LARGE1: variants seen among roughly 807,000 people sequenced by gnomAD.
LARGE1 encodes the protein xylosyl- and glucuronyltransferase LARGE1.
LARGE1 carries 43 observed loss-of-function variants against 87.6 expected under a neutral mutation model. That is an observed-to-expected ratio of 0.49 (90% CI 0.38 to 0.63). LARGE1 has a LOEUF of 0.63. LARGE1 is among the 30% of genes least tolerant of loss of function. LARGE1 has a pLI of 0.00. For synonymous variants in LARGE1, 434 were observed against 394.6 expected, an observed-to-expected ratio of 1.10 and a Z score of -1.18; for missense variants, 802 against 1,000.2, an observed-to-expected ratio of 0.80 and a Z score of 2.67.
chr22:33,104,973 CTTTCTTTT>C, the LARGE1 span, among the ~76,000 whole-genome samples: 82 of 143,326 alleles, frequency 5.7e-4, 1 homozygote, highest in African/African-American at 2.0e-3. Context: ...CTCTTTCTTT[CTTTCTTTT>C]TCTTTTCTTT....
At chr22:33,108,514 T>C in the LARGE1 span, 1 of 151,946 alleles carries the variant, frequency 6.6e-6, no homozygotes, top group Admixed American at 6.6e-5. Context: ...CACAGAGACC[T>C]GGGTGAGCAG....
At chr22:33,230,471 G>T (rs1050053018) in intron 11 of LARGE1, among the ~76,000 whole-genome samples, 2 of 152,062 alleles carry the variant, frequency 1.3e-5, no homozygotes, top group Non-Finnish European at 1.5e-5. Context: ...GAAGGACCCT[G>T]AAAATCAGAG....
chr22:33,608,730 C>T (rs2079337231), intron 4 of LARGE1, among the ~76,000 whole-genome samples: 3 of 152,180 alleles, frequency 2.0e-5, no homozygotes, highest in Admixed American at 2.0e-4. Flanking sequence ...CACTTTGTAT[C>T]AAGAGTTCGG....
chr22:33,782,997 C>T (rs542053182), intron 1 of LARGE1, among the ~76,000 whole-genome samples: 1 of 151,934 alleles, frequency 6.6e-6, no homozygotes, highest in South Asian at 2.1e-4. Flanking sequence ...CACTACAGTG[C>T]TTCGGCCTGA....
intron 6 of LARGE1, among the ~76,000 whole-genome samples, chr22:33,523,789 G>C (rs1375035828): frequency 6.6e-6 from 1 of 152,178 alleles, no homozygotes; most frequent in East Asian, 1.9e-4. Flanking sequence ...AAAACGTACA[G>C]AGAGGTTCTG....
chr22:33,657,447 A>T (rs146452147), intron 2 of LARGE1, among the ~76,000 whole-genome samples: 14 of 152,316 alleles, frequency 9.2e-5, no homozygotes, highest in African/African-American at 3.4e-4. Context: ...GTAAACATCC[A>T]GAGAGTCAAT....
the LARGE1 span, among the ~76,000 whole-genome samples, chr22:33,090,878 T>A: frequency 2.6e-5 from 4 of 152,220 alleles, no homozygotes; most frequent in Non-Finnish European, 5.9e-5. Context: ...TCAATTTGCC[T>A]GTTCTTGGAC....
intron 2 of LARGE1, among the ~76,000 whole-genome samples, chr22:33,662,769 G>C (rs138455096): frequency 1.4e-3 from 212 of 152,118 alleles, no homozygotes; most frequent in African/African-American, 4.7e-3. Flanking sequence ...TTTTGTGAAT[G>C]TCATTGATTC....
At chr22:33,879,071 C>G (rs1453237874) in intron 1 of LARGE1, among the ~76,000 whole-genome samples, 1 of 151,824 alleles carries the variant, frequency 6.6e-6, no homozygotes, top group African/African-American at 2.4e-5. Flanking sequence ...CTCCTGGGTT[C>G]AAGCGATTCT....
intron 11 of LARGE1, among the ~76,000 whole-genome samples, chr22:33,310,017 C>T (rs1935385932): frequency 6.6e-6 from 1 of 152,178 alleles, no homozygotes; most frequent in African/African-American, 2.4e-5. Flanking sequence ...CTTTCACTCT[C>T]CAGAACGGTC....
Position 33,384,208 on chromosome 22 carries a change from G to A in LARGE1, c.989C>T (p.Thr330Ile). 1 of 1,613,712 alleles carries A rather than the reference G, an allele frequency of 6.2e-7. No individual in the cohort carries two copies. Among genetic ancestry groups the A allele is most frequent in the Non-Finnish European group, 8.5e-7 (1 of 1,179,586 alleles). ...AERELMGMLS[T>I]SLADQDIFNA... ...GCCACTCACCTGGTCAGCTAAGGAT[G>A]TAGAGAGCATGCCCATGAGCTCCCT... Residue 330 changes from threonine (T) to isoleucine (I), a missense_variant, in exon 8 of 15, where the codon ACA becomes ATA. Coordinates refer to ENST00000397394, the MANE Select transcript of LARGE1 (RefSeq NM_133642.5).
intron 11 of LARGE1, among the ~76,000 whole-genome samples, chr22:33,183,306 T>C (rs1183899924): frequency 6.6e-6 from 1 of 152,066 alleles, no homozygotes; most frequent in Non-Finnish European, 1.5e-5. Context: ...AAGATGGCTA[T>C]TATCAACAAG....
At chr22:33,408,695 CTTTT>C (rs572399860) in intron 7 of LARGE1, among the ~76,000 whole-genome samples, 2 of 136,022 alleles carry the variant, frequency 1.5e-5, no homozygotes, top group African/African-American at 2.7e-5. Context: ...ATAGACTTGT[CTTTT>C]TTTTTTTTTT....
rs66724544 is a variant in LARGE1 at position 33,392,151 on chromosome 22, C to CT, written c.893-7848dup. ...TGAATTCTGGGAACACACGCTTCTT[C>CT]TTTTTTTTTTTTTTTGTAGCTATCC... On this transcript the variant is annotated intron_variant, in intron 7 of 14. Coordinates refer to ENST00000397394, the MANE Select transcript of LARGE1 (RefSeq NM_133642.5). Among the ~76,000 whole-genome samples, 1,341 of 140,668 alleles carry CT rather than the reference C, an allele frequency of 9.5e-3. 15 individuals carry two copies. The highest frequency in any genetic ancestry group is 0.028 in the African/African-American group (1,076 of 38,376). The allele number at this position is 140,668 out of a possible 152,430, so 92.3% of individuals were successfully genotyped here.
chr22:33,324,876 A>C lies in LARGE1; in HGVS notation c.1288-8628T>G, dbSNP rs1230043043. Among the ~76,000 whole-genome samples the C allele has an allele frequency of 2.0e-5, 3 of 152,140 alleles. 1 individual carries two copies. The highest frequency in any genetic ancestry group is 4.1e-4 in the South Asian group (2 of 4,830). On this transcript the variant is annotated intron_variant, in intron 10 of 14. Transcript: ENST00000397394. ...GTAAGACAAAGGGTTTGGACTTCCT[A>C]AAGTGACGCTCAAGGATCACGCACT... is the stretch of plus-strand genomic sequence containing the variant.
chr22:33,796,769 T>A (rs971411094), intron 1 of LARGE1, among the ~76,000 whole-genome samples: 11 of 75,542 alleles, frequency 1.5e-4, no homozygotes, highest in Non-Finnish European at 5.5e-5. Context: ...GACTTGGGCT[T>A]TTTTTTTTTT....
chr22:33,493,934 C>T (rs1186427173), intron 6 of LARGE1, among the ~76,000 whole-genome samples: 5 of 152,234 alleles, frequency 3.3e-5, no homozygotes, highest in Non-Finnish European at 5.9e-5. Flanking sequence ...GTGGCAGTCA[C>T]AAGACACTTT....
At chr22:33,509,046 G>C (rs867225435) in intron 6 of LARGE1, among the ~76,000 whole-genome samples, 32 of 152,322 alleles carry the variant, frequency 2.1e-4, no homozygotes, top group Middle Eastern at 3.4e-3. Flanking sequence ...GTGAGGAAAA[G>C]AACAGGTATA....
chr22:33,179,984 A>G (rs1461209147), intron 11 of LARGE1, among the ~76,000 whole-genome samples: 1 of 151,562 alleles, frequency 6.6e-6, no homozygotes, highest in African/African-American at 2.4e-5. Flanking sequence ...AAGAGAAGTC[A>G]TGCAATATTT....
Sources: allele counts gnomAD v4.1 joint callset (sites outside exome capture counted in the v4.1 genomes callset), GRCh38; gene constraint gnomAD v4.1.1; transcripts MANE v1.5; gene names NCBI Gene and HGNC (gene_info 2026-07-23, HGNC 2026-07-21).